XPO4: variants seen among roughly 807,000 people sequenced by gnomAD.
XPO4 encodes the protein exportin 4.
Under a neutral mutation model 143.0 loss-of-function variants are expected in XPO4, and 39 were observed. That is an observed-to-expected ratio of 0.27 (90% CI 0.21 to 0.36). The LOEUF is 0.36. Among genes scored for constraint, XPO4 ranks in the 10% least tolerant of loss-of-function variants. XPO4 has a pLI of 1.00. For missense variants in XPO4, 907 were observed against 1,348.0 expected (o/e 0.67, Z 5.12); for synonymous variants, 439 against 474.0 (o/e 0.93, Z 0.96).
At chr13:20,888,136 T>C (rs544464275) in intron 1 of XPO4, among the ~76,000 whole-genome samples, 48 of 140,476 alleles carry the variant, frequency 3.4e-4, no homozygotes, top group African/African-American at 1.2e-3. Flanking sequence ...GATTGTGCCA[T>C]TGCATGCCAG....
chr13:20,794,892 C>G (rs1164817088), intron 18 of XPO4, among the ~76,000 whole-genome samples: 1 of 150,278 alleles, frequency 6.7e-6, no homozygotes, highest in Non-Finnish European at 1.5e-5. Context: ...TTCAGACTAT[C>G]TCACCTTGGT....
At chr13:20,800,448 T>G in intron 14 of XPO4, 123 bp from the exon 15 acceptor site, 1 of 876,908 alleles carries the variant, frequency 1.1e-6, no homozygotes, top group Middle Eastern at 3.3e-4. Flanking sequence ...CACATCAACT[T>G]TACACATGTA....
At chr13:20,861,100 C>T (rs1413727765) in intron 3 of XPO4, among the ~76,000 whole-genome samples, 1 of 152,060 alleles carries the variant, frequency 6.6e-6, no homozygotes, top group Non-Finnish European at 1.5e-5. Flanking sequence ...ATCACCATTC[C>T]TAAGCACACA....
At chr13:20,849,464 A>G in intron 4 of XPO4, 2 of 984,204 alleles carry the variant, frequency 2.0e-6, no homozygotes, top group Non-Finnish European at 2.4e-6. Flanking sequence ...TTAAATACAG[A>G]TTAAAATTTT....
chr13:20,902,704 A>C lies in XPO4; in HGVS notation c.35T>G (p.Ile12Ser), dbSNP rs750203865. 1 of 1,585,168 alleles carries C rather than the reference A, an allele frequency of 6.3e-7. No individual in the cohort carries two copies. Reference sequence around the variant, plus strand: ...TTTAGCCGCGTTCTCCAGCTGAGCGATCACTTCTGGGGGCCCCAGCGCCGC... The same window carrying C: ...TTTAGCCGCGTTCTCCAGCTGAGCGCTCACTTCTGGGGGCCCCAGCGCCGC... Reference protein sequence around the residue: ...MAAALGPPEVIAQLENAAKVL... With the variant: ...MAAALGPPEVSAQLENAAKVL... The change falls in exon 1 of 23, where the codon ATC becomes AGC. Residue 12 changes from isoleucine to serine, a missense_variant. Transcript: ENST00000255305.
At chr13:20,851,644 A>G (rs2060087860) in intron 4 of XPO4, 2 of 627,336 alleles carry the variant, frequency 3.2e-6, no homozygotes, top group South Asian at 1.4e-4. Flanking sequence ...GGGGAGGTCA[A>G]GGCTGCAGTA....
At chr13:20,787,662 T>G (rs1037633214) in intron 20 of XPO4, 64 bp from the exon 21 acceptor site, 12 of 1,360,672 alleles carry the variant, frequency 8.8e-6, no homozygotes, top group Non-Finnish European at 1.1e-5. Context: ...GATAAAAAAA[T>G]TATAGCTAGT....
At chr13:20,838,491 T>C (rs1168347156) in intron 6 of XPO4, among the ~76,000 whole-genome samples, 1 of 150,962 alleles carries the variant, frequency 6.6e-6, no homozygotes, top group African/African-American at 2.4e-5. Flanking sequence ...GCACCTGTGG[T>C]CCCAGCTACT....
At chr13:20,873,716 C>A (rs565193551) in intron 1 of XPO4, among the ~76,000 whole-genome samples, 28 of 152,244 alleles carry the variant, frequency 1.8e-4, no homozygotes, top group African/African-American at 6.7e-4. Flanking sequence ...CTGCAACCTC[C>A]GCCTCCCAGG....
At chr13:20,877,975 T>C (rs1029879188) in intron 1 of XPO4, among the ~76,000 whole-genome samples, 2 of 152,208 alleles carry the variant, frequency 1.3e-5, no homozygotes, top group Non-Finnish European at 2.9e-5. Flanking sequence ...GGCAGGTAGA[T>C]GGCTTGAGGT....
At chr13:20,844,483 T>C (rs1251443099) in intron 4 of XPO4, among the ~76,000 whole-genome samples, 1 of 152,240 alleles carries the variant, frequency 6.6e-6, no homozygotes, top group African/African-American at 2.4e-5. Context: ...TCATTGATTT[T>C]ATTCCCAGAC....
chr13:20,841,064 AAT>A (rs778346678), intron 6 of XPO4, among the ~76,000 whole-genome samples: 1 of 152,194 alleles, frequency 6.6e-6, no homozygotes, highest in Non-Finnish European at 1.5e-5. Context: ...CTTTTTATAA[AAT>A]AGTCACTCTC....
At chr13:20,900,426 T>C (rs1362782206) in intron 1 of XPO4, among the ~76,000 whole-genome samples, 1 of 152,010 alleles carries the variant, frequency 6.6e-6, no homozygotes, top group Non-Finnish European at 1.5e-5. Context: ...CTCACAGAGT[T>C]ACTGGAGATA....
At position 20,855,615 on chromosome 13, in the gene XPO4, T is replaced by C. The variant is rs1566609600; in HGVS notation, c.456+12A>G. ...AATTGTTAATATTTATAAATACAAA[T>C]AGCACACTTACCACAGTGGGATTGC... On this transcript the variant is annotated intron_variant, in intron 4 of 22. Coordinates refer to ENST00000255305, the MANE Select transcript of XPO4 (RefSeq NM_022459.5). 2 of 1,568,528 alleles carry C rather than the reference T, an allele frequency of 1.3e-6. No homozygotes were observed. The highest frequency in any genetic ancestry group is 8.6e-7 in the Non-Finnish European group (1 of 1,165,232).
At chr13:20,792,029 C>T (rs984011359) in intron 18 of XPO4, among the ~76,000 whole-genome samples, 5 of 152,220 alleles carry the variant, frequency 3.3e-5, no homozygotes, top group African/African-American at 1.2e-4. Flanking sequence ...GAGCTTGACT[C>T]CCTGCTCCAG....
intron 3 of XPO4, 117 bp downstream of exon 3, chr13:20,862,600 A>T: frequency 7.8e-7 from 1 of 1,278,034 alleles, no homozygotes; most frequent in Non-Finnish European, 1.1e-6. Context: ...AGTGGAGATT[A>T]TAGGTGTGAG....
intron 9 of XPO4, 30 bp downstream of exon 9, chr13:20,821,674 G>A (rs2059721551): frequency 1.3e-6 from 2 of 1,575,548 alleles, no homozygotes; most frequent in African/African-American, 1.4e-5. Flanking sequence ...TGTGAAAACT[G>A]ACACAATTTA....
intron 20 of XPO4, 62 bp downstream of exon 20, chr13:20,788,419 ACTTTT>A (rs1225190871): frequency 1.3e-5 from 20 of 1,554,384 alleles, no homozygotes; most frequent in African/African-American, 2.8e-5. Flanking sequence ...AACTTAAAAA[ACTTTT>A]CTTTAAAGGA....
At chr13:20,851,728 AAAGAAAG>A (rs1355589297) in intron 4 of XPO4, 6 of 916,930 alleles carry the variant, frequency 6.5e-6, no homozygotes, top group East Asian at 2.5e-4. Context: ...AAAAAAAAAA[AAAGAAAG>A]AAAGAAAGAA....
Sources: gnomAD v4.1 joint callset for allele counts (sites outside exome capture counted in the v4.1 genomes callset) on GRCh38, gnomAD v4.1.1 for gene constraint, MANE v1.5 for transcripts, NCBI Gene and HGNC (gene_info 2026-07-23, HGNC 2026-07-21) for gene names.